MAP2K4: variants seen among roughly 807,000 people sequenced by gnomAD.
MAP2K4 encodes the protein dual specificity mitogen-activated protein kinase kinase 4.
Under a neutral mutation model 48.5 loss-of-function variants are expected in MAP2K4, and 4 were observed. The observed-to-expected ratio is 0.08, with a 90% CI of 0.04 to 0.19. The LOEUF is 0.19. Among genes scored for constraint, MAP2K4 ranks in the 10% least tolerant of loss-of-function variants. The pLI is 1.00. For missense variants in MAP2K4, 258 were observed against 493.3 expected (o/e 0.52, Z 4.52); for synonymous variants, 166 against 173.1 (o/e 0.96, Z 0.32).
At position 12,114,387 on chromosome 17, in the gene MAP2K4, GGTGTGT is replaced by G. The variant is rs61666948; in HGVS notation, c.813+1052_813+1057del. ...TTTCTTCAGATGAACATGTAAAAGC[GGTGTGT>G]GTGTGTGTGTGTGTGTGTGTGTGTA... On this transcript the variant is annotated intron_variant, in intron 7 of 10. Coordinates refer to ENST00000353533, the MANE Select transcript of MAP2K4 (RefSeq NM_003010.4). Among the ~76,000 whole-genome samples the G allele has an allele frequency of 8.2e-4, 123 of 149,236 alleles. 1 individual carries two copies. The East Asian group carries it at 0.012, about 14-fold the overall frequency.
At chr17:12,107,954 T>C (rs769657275) in intron 5 of MAP2K4, 45 bp downstream of exon 5, 14 of 1,464,254 alleles carry the variant, frequency 9.6e-6, no homozygotes, top group Non-Finnish European at 1.2e-5. Context: ...TATAGTTATA[T>C]AGAGATGCTG....
In MAP2K4 at chr17:12,020,885, C is replaced by A; in HGVS notation, c.-2C>A. The A allele has an allele frequency of 2.5e-6, 3 of 1,196,324 alleles. No individual in the cohort carries two copies. The highest frequency in any genetic ancestry group is 4.2e-5 in the South Asian group (1 of 23,828). The allele number at this position is 1,196,324 out of a possible 1,614,324, so 74.1% of individuals were successfully genotyped here. ...GCGCCGCTCGGCTCTTCACTCCCAA[C>A]AATGGCGGCTCCGAGCCCGAGCGGC... is the stretch of plus-strand genomic sequence containing the variant. On this transcript the variant is annotated 5_prime_UTR_variant, in exon 1 of 11. Transcript: ENST00000353533.
intron 4 of MAP2K4, among the ~76,000 whole-genome samples, chr17:12,097,630 G>A (rs1304070613): frequency 6.6e-6 from 1 of 152,212 alleles, no homozygotes; most frequent in African/African-American, 2.4e-5. Flanking sequence ...ACTAACGTCT[G>A]TTGAATGCTT....
At chr17:12,047,467 T>C (rs1230967766) in intron 1 of MAP2K4, among the ~76,000 whole-genome samples, 1 of 152,206 alleles carries the variant, frequency 6.6e-6, no homozygotes, top group African/African-American at 2.4e-5. Context: ...CCAAGAGATA[T>C]TATATAGCTA....
intron 1 of MAP2K4, among the ~76,000 whole-genome samples, chr17:12,029,054 TG>T (rs1457842479): frequency 6.6e-6 from 1 of 152,224 alleles, no homozygotes; most frequent in Non-Finnish European, 1.5e-5. Flanking sequence ...ATTTGCTTTT[TG>T]TTTTTATAAA....
chr17:12,101,036 T>A (rs1350287683), intron 4 of MAP2K4, among the ~76,000 whole-genome samples: 1 of 152,148 alleles, frequency 6.6e-6, no homozygotes, highest in Admixed American at 6.5e-5. Context: ...TTCTTCACAG[T>A]GTTTTTGGAG....
chr17:12,043,201 T>A (rs1969850357), intron 1 of MAP2K4, among the ~76,000 whole-genome samples: 1 of 152,232 alleles, frequency 6.6e-6, no homozygotes, highest in African/African-American at 2.4e-5. Flanking sequence ...ATCTTCCTAC[T>A]TTATCTCTAA....
chr17:12,131,725 T>C (rs1210918518), intron 9 of MAP2K4, among the ~76,000 whole-genome samples: 1 of 151,900 alleles, frequency 6.6e-6, no homozygotes, highest in African/African-American at 2.4e-5. Context: ...GAAAGATTGA[T>C]TAAAAAAAAA....
chr17:12,047,074 G>A (rs1969988636), intron 1 of MAP2K4, among the ~76,000 whole-genome samples: 1 of 151,988 alleles, frequency 6.6e-6, no homozygotes, highest in South Asian at 2.1e-4. Context: ...ACAATCCTTG[G>A]TATTCTGGGT....
chr17:12,021,380 C>T (rs538153865), intron 1 of MAP2K4: 121 of 153,240 alleles, frequency 7.9e-4, no homozygotes, highest in Non-Finnish European at 1.4e-3. Flanking sequence ...TGCGGCGGAG[C>T]GGGAGGGGCG....
intron 2 of MAP2K4, among the ~76,000 whole-genome samples, chr17:12,066,905 C>T (rs1363813981): frequency 6.6e-6 from 1 of 152,192 alleles, no homozygotes; most frequent in Non-Finnish European, 1.5e-5. Context: ...TCTCGATCTC[C>T]TGACCTCGTG....
chr17:12,054,770 T>C (rs1485633392), intron 1 of MAP2K4, 119 bp from the exon 2 acceptor site: 4 of 568,606 alleles, frequency 7.0e-6, no homozygotes, highest in African/African-American at 3.8e-5. Context: ...AATATTGTCC[T>C]ATATTAACTG....
At chr17:12,060,191 T>C (rs1235446137) in intron 2 of MAP2K4, among the ~76,000 whole-genome samples, 1 of 152,012 alleles carries the variant, frequency 6.6e-6, no homozygotes. Context: ...AAATTGTTTT[T>C]AAAAAGAAAT....
chr17:12,069,840 G>A (rs1050444595), intron 2 of MAP2K4: 2 of 450,410 alleles, frequency 4.4e-6, no homozygotes, highest in African/African-American at 2.2e-5. Context: ...CAGTTGCAGT[G>A]ATGTGCAGGG....
chr17:12,073,975 T>C (rs1970910316), intron 2 of MAP2K4, among the ~76,000 whole-genome samples: 1 of 152,092 alleles, frequency 6.6e-6, no homozygotes, highest in African/African-American at 2.4e-5. Context: ...GGGTTCACCA[T>C]GTTGGCCAAG....
chr17:12,080,767 G>T (rs1971164078), intron 2 of MAP2K4, among the ~76,000 whole-genome samples: 1 of 152,120 alleles, frequency 6.6e-6, no homozygotes. Flanking sequence ...TCATCTGGGG[G>T]TCTTTAAAAA....
intron 7 of MAP2K4, among the ~76,000 whole-genome samples, chr17:12,120,382 C>G (rs1972646950): frequency 6.6e-6 from 1 of 152,056 alleles, no homozygotes; most frequent in Non-Finnish European, 1.5e-5. Context: ...ATTGCTTGAA[C>G]CCAGGAGGCA....
chr17:12,100,478 TG>T (rs1971902989), intron 4 of MAP2K4, among the ~76,000 whole-genome samples: 1 of 152,156 alleles, frequency 6.6e-6, no homozygotes, highest in Non-Finnish European at 1.5e-5. Context: ...GATGGCCATT[TG>T]GATTGTTTTC....
At chr17:12,105,174 A>G (rs1972067915) in intron 4 of MAP2K4, among the ~76,000 whole-genome samples, 1 of 152,086 alleles carries the variant, frequency 6.6e-6, no homozygotes, top group Non-Finnish European at 1.5e-5. Context: ...CTCTACTTTA[A>G]TATAAGCTTT....
Sources: gnomAD v4.1 joint callset for allele counts (sites outside exome capture counted in the v4.1 genomes callset) on GRCh38, gnomAD v4.1.1 for gene constraint, MANE v1.5 for transcripts, NCBI Gene and HGNC (gene_info 2026-07-23, HGNC 2026-07-21) for gene names.